Variants in FARP1 observed in about 807,000 individuals in gnomAD.
The protein encoded by FARP1 is FERM, ARH/RhoGEF and pleckstrin domain protein 1, also known as FERM, ARHGEF and pleckstrin domain-containing protein 1.
FARP1 carries 52 observed loss-of-function variants against 128.8 expected under a neutral mutation model. The ratio of observed to expected loss-of-function variants is 0.40; its 90% CI spans 0.32 to 0.51. The LOEUF (loss-of-function observed/expected upper bound fraction) is 0.51, where lower values mean the gene tolerates loss of function less well. FARP1 is among the 20% of genes least tolerant of loss of function. The probability of loss-of-function intolerance (pLI) is 0.45; values close to 1 mark genes in which losing one functional copy is unlikely to be tolerated. For missense variants in FARP1, 1,333 were observed against 1,367.9 expected, an observed-to-expected ratio of 0.97 and a Z score of 0.40; for synonymous variants, 580 against 551.8, an observed-to-expected ratio of 1.05 and a Z score of -0.72.
chr13:98,297,346 G>A (rs543019668), intron 2 of FARP1, among the ~76,000 whole-genome samples: 92 of 152,334 alleles, frequency 6.0e-4, no homozygotes, highest in African/African-American at 2.2e-3. Flanking sequence ...CCATCTGTGT[G>A]TGTGGTTTTG....
intron 3 of FARP1, among the ~76,000 whole-genome samples, chr13:98,346,104 C>T (rs1888166258): frequency 6.6e-6 from 1 of 151,810 alleles, no homozygotes; most frequent in South Asian, 2.1e-4. Context: ...TTCCCTCAGT[C>T]ATCATCTTGT....
At chr13:98,436,392 C>A (rs1253223660) in intron 19 of FARP1, among the ~76,000 whole-genome samples, 2 of 152,210 alleles carry the variant, frequency 1.3e-5, no homozygotes, top group South Asian at 4.1e-4. Context: ...AGGAATCAAA[C>A]GTATCATTCA....
intron 16 of FARP1, among the ~76,000 whole-genome samples, chr13:98,419,483 T>TACAC (rs57751374): frequency 0.053 from 7,375 of 139,946 alleles, 266 homozygotes; most frequent in Non-Finnish European, 0.076. Context: ...CAAAAAAAAA[T>TACAC]ACACACACAC....
chr13:98,445,978 C>A (rs1336386258), intron 24 of FARP1, 120 bp from the exon 25 acceptor site: 2 of 661,868 alleles, frequency 3.0e-6, no homozygotes, highest in East Asian at 2.7e-5. Flanking sequence ...GGGGGTGGGG[C>A]CCACATCCTT....
intron 6 of FARP1, chr13:98,384,495 G>A (rs1890023080): frequency 3.6e-6 from 2 of 550,254 alleles, no homozygotes; most frequent in African/African-American, 3.8e-5. Flanking sequence ...GCCTGACCTT[G>A]AAGCTTCTTT....
At chr13:98,438,275 G>C (rs765892149) in intron 19 of FARP1, among the ~76,000 whole-genome samples, 1 of 152,074 alleles carries the variant, frequency 6.6e-6, no homozygotes, top group Non-Finnish European at 1.5e-5. Context: ...TTCAATCATG[G>C]AGAAGCTTCC....
At chr13:98,301,441 G>A (rs1464694979) in intron 2 of FARP1, among the ~76,000 whole-genome samples, 3 of 152,146 alleles carry the variant, frequency 2.0e-5, no homozygotes, top group African/African-American at 7.2e-5. Flanking sequence ...AGCCTTCTGC[G>A]GAGGTGTGGG....
At chr13:98,435,499 C>T (rs1013018641) in intron 18 of FARP1, 77 bp from the exon 19 acceptor site, 14 of 1,465,392 alleles carry the variant, frequency 9.6e-6, no homozygotes, top group African/African-American at 8.4e-5. Flanking sequence ...TTCCCTGCAG[C>T]GTTGAGCTGA....
intron 17 of FARP1, among the ~76,000 whole-genome samples, chr13:98,430,840 T>G (rs189124234): frequency 6.6e-6 from 1 of 152,362 alleles, no homozygotes; most frequent in Admixed American, 6.5e-5. Context: ...GCTCAGTACC[T>G]TAATAGGCCT....
At chr13:98,421,944 G>T (rs921419985) in intron 16 of FARP1, among the ~76,000 whole-genome samples, 4 of 152,174 alleles carry the variant, frequency 2.6e-5, no homozygotes, top group African/African-American at 9.7e-5. Context: ...TTGTGTTTGA[G>T]ATAGGAGATA....
At position 98,453,023 on chromosome 13, in the gene FARP1, GTGTGTCCCTGGACGGGCGCC is replaced by G; in HGVS notation, c.*4709_*4728del. 1 of 750,726 alleles carries G rather than the reference GTGTGTCCCTGGACGGGCGCC, an allele frequency of 1.3e-6. No individual in the cohort carries two copies. Among genetic ancestry groups the G allele is most frequent in the Non-Finnish European group, 2.2e-6 (1 of 458,066 alleles). The allele number at this position is 750,726 out of a possible 1,614,324, so 46.5% of individuals were successfully genotyped here. A position where few individuals can be genotyped will look rare whatever the true frequency, so the allele number is the denominator to read the frequency against. The stretch of plus-strand genomic sequence containing the variant: ...CTGGCTGCAGCACAGTGAAGACTGT[GTGTGTCCCTGGACGGGCGCC>G]TGGCGCTGGGGTGGCTCCCAGTGGC... On this transcript the variant is annotated 3_prime_UTR_variant, in exon 27 of 27. Transcript: ENST00000319562.
chr13:98,392,834 G>GT (rs11414488), intron 11 of FARP1, among the ~76,000 whole-genome samples: 102,904 of 149,206 alleles, frequency 0.69, 36,026 homozygotes, highest in African/African-American at 0.83. Flanking sequence ...TTTTCAGGAG[G>GT]TTTTTTTTTT....
chr13:98,221,334 G>T (rs550288671), intron 2 of FARP1, among the ~76,000 whole-genome samples: 20 of 152,278 alleles, frequency 1.3e-4, no homozygotes, highest in South Asian at 8.3e-4. Flanking sequence ...GAAAGCGAAT[G>T]AAAGCACTTA....
At chr13:98,378,335 T>C (rs3848017) in intron 6 of FARP1, among the ~76,000 whole-genome samples, 48,707 of 152,026 alleles carry the variant, frequency 0.32, 8,281 homozygotes, top group African/African-American at 0.45. Flanking sequence ...TTTTTGCTCT[T>C]CAGAATTCAG....
At chr13:98,362,637 G>A (rs1226896305) in intron 3 of FARP1, among the ~76,000 whole-genome samples, 1 of 152,188 alleles carries the variant, frequency 6.6e-6, no homozygotes. Flanking sequence ...TGGAGTCAGG[G>A]TGGTGGCACC....
At position 98,395,733 on chromosome 13, in the gene FARP1, C is replaced by T. The variant is rs1890510809; in HGVS notation, c.1414+257C>T. On this transcript the variant is annotated intron_variant, in intron 13 of 26. Transcript: ENST00000319562. ...CTGCGAAGTCCTCCCGGCCTCCTTC[C>T]GGAGAATTCCTTGATGACGATTCAG... is the stretch of plus-strand genomic sequence containing the variant. 1.6e-5 allele frequency: 7 copies of T among 426,368 alleles called. No homozygotes were observed. In the South Asian group the frequency reaches 2.7e-4, roughly 16 times the overall value. The allele number at this position is 426,368 out of a possible 1,614,324, so 26.4% of individuals were successfully genotyped here.
intron 16 of FARP1, 96 bp downstream of exon 16, chr13:98,412,130 A>G: frequency 8.0e-7 from 1 of 1,242,482 alleles, no homozygotes; most frequent in Non-Finnish European, 1.1e-6. Context: ...AGGAACAAAG[A>G]TGAAAGGCAG....
chr13:98,389,862 T>G (rs545213600), intron 9 of FARP1, 95 bp from the exon 10 acceptor site: 1 of 1,257,726 alleles, frequency 8.0e-7, no homozygotes, highest in African/African-American at 1.5e-5. Context: ...AGCGAAAACT[T>G]TATCGGACAA....
At chr13:98,340,726 A>G (rs1199020365) in intron 2 of FARP1, 2 of 152,256 alleles carry the variant, frequency 1.3e-5, no homozygotes, top group Non-Finnish European at 2.9e-5. Flanking sequence ...TAAGTTAACC[A>G]TGCAGCTCTT....
Sources: gnomAD v4.1 joint callset for allele counts (sites outside exome capture counted in the v4.1 genomes callset) on GRCh38, gnomAD v4.1.1 for gene constraint, MANE v1.5 for transcripts, NCBI Gene and HGNC (gene_info 2026-07-23, HGNC 2026-07-21) for gene names.